Variants in ANPEP observed in about 807,000 individuals in gnomAD.
The protein encoded by ANPEP is aminopeptidase N.
In ANPEP, 70 loss-of-function variants were observed where a neutral mutation model predicts 114.6. The observed-to-expected ratio is 0.61, with a 90% CI of 0.50 to 0.75. The LOEUF (loss-of-function observed/expected upper bound fraction) is 0.75, where lower values mean the gene tolerates loss of function less well. ANPEP is among the 30% of genes least tolerant of loss of function. The probability of loss-of-function intolerance (pLI) is 0.00; values close to 1 mark genes in which losing one functional copy is unlikely to be tolerated. For missense variants in ANPEP, 1,184 were observed against 1,259.5 expected (o/e 0.94, Z 0.91); for synonymous variants, 548 against 522.3 (o/e 1.05, Z -0.67).
Position 89,805,065 on chromosome 15 carries a change from C to A in ANPEP, c.897+13G>T. The A allele has an allele frequency of 1.2e-6, 2 of 1,614,180 alleles. No individual in the cohort carries two copies. Among genetic ancestry groups the A allele is most frequent in the Non-Finnish European group, 1.7e-6 (2 of 1,180,004 alleles). On this transcript the variant is annotated intron_variant, in intron 4 of 20. Transcript: ENST00000300060. ...CCAGCCCACGTGAAGGAGAGATGGG[C>A]CCAGCCTCATACCAAGACACCATTG...
In ANPEP at chr15:89,801,236, C is replaced by G. The variant is rs112538519; in HGVS notation, c.1743-49G>C. ...GTGAGAGATGGCGGTGTGGTCACTG[C>G]CAGTGAGGAGCAGCTGCCCAGGCTC... On this transcript the variant is annotated intron_variant, in intron 11 of 20. Transcript: ENST00000300060. 5.5e-4 allele frequency: 873 copies of G among 1,598,366 alleles called. 6 individuals are homozygous for G. In the African/African-American group the frequency reaches 0.011, roughly 19 times the overall value.
chr15:89,811,299 A>C (rs1894811188), intron 1 of ANPEP, among the ~76,000 whole-genome samples: 1 of 152,198 alleles, frequency 6.6e-6, no homozygotes, highest in Non-Finnish European at 1.5e-5. Flanking sequence ...CTGAGCGATA[A>C]AATCATGGTT....
chr15:89,799,324 C>A lies in ANPEP; in HGVS notation c.1954-9G>T, dbSNP rs1477411536. On this transcript the variant is annotated splice_polypyrimidine_tract_variant and intron_variant, in intron 13 of 20. Coordinates refer to ENST00000300060, the MANE Select transcript of ANPEP (RefSeq NM_001150.3). The surrounding 1 kb of genome is among the most constrained non-coding windows in gnomAD (Gnocchi z 4.2). The stretch of plus-strand genomic sequence containing the variant: ...TTGATGACAGGGATGGCCTAGAATG[C>A]GAAGCACAGCATGTGACCATGGGTT... 1.9e-6 allele frequency: 3 copies of A among 1,614,020 alleles called. No individual in the cohort carries two copies. In the African/African-American group the frequency reaches 4.0e-5, roughly 22 times the overall value.
At chr15:89,789,566 A>G (rs1968574805) in intron 20 of ANPEP, among the ~76,000 whole-genome samples, 3 of 151,678 alleles carry the variant, frequency 2.0e-5, no homozygotes, top group Admixed American at 1.3e-4. Context: ...TGAGGTCAGG[A>G]GTTCGAGACC....
At chr15:89,801,351 A>C (rs899066755) in intron 11 of ANPEP, 84 bp downstream of exon 11, 2 of 1,568,304 alleles carry the variant, frequency 1.3e-6, no homozygotes, top group African/African-American at 1.3e-5. Flanking sequence ...CTGGGACCAC[A>C]GGAGGCCAGT....
At chr15:89,793,499 G>A (rs1414717308) in intron 15 of ANPEP, among the ~76,000 whole-genome samples, 1 of 151,966 alleles carries the variant, frequency 6.6e-6, no homozygotes, top group Non-Finnish European at 1.5e-5. Context: ...CCAGGAGTTC[G>A]AGATCAGCCT....
At chr15:89,795,600 A>C (rs749863751) in intron 15 of ANPEP, among the ~76,000 whole-genome samples, 33 of 152,228 alleles carry the variant, frequency 2.2e-4, no homozygotes, top group Non-Finnish European at 4.6e-4. Flanking sequence ...CATCAGCAAC[A>C]TGGCAAGCCT....
chr15:89,790,539 T>C lies in ANPEP; in HGVS notation c.2672A>G (p.Tyr891Cys), dbSNP rs746812140. ...QSNWKKLFND[Y>C]GGGSFSFSNL... ...GGAGAAGGAGAACGAGCCACCACCA[T>C]AACTGCAGGGAGGGAGAGAGGTGAA... Residue 891 changes from tyrosine to cysteine, a missense_variant and splice_region_variant, in exon 20 of 21, where the codon TAT becomes TGT. Transcript: ENST00000300060. The C allele has an allele frequency of 6.2e-6, 10 of 1,613,370 alleles. No individual in the cohort carries two copies. Among genetic ancestry groups the C allele is most frequent in the South Asian group, 2.2e-5 (2 of 91,048 alleles).
At position 89,803,198 on chromosome 15, in the gene ANPEP, AC is replaced by A. The variant is rs758827770; in HGVS notation, c.1569+40del. ...CCCCAGGTACCTTCAGCATCTCAAG[AC>A]CCCAACAGGATGGCTGTGGAGGGGC... On this transcript the variant is annotated intron_variant, in intron 10 of 20. Coordinates refer to ENST00000300060, the MANE Select transcript of ANPEP (RefSeq NM_001150.3). This position sits in a 1 kb window ranked among gnomAD's most constrained non-coding sequence, Gnocchi z 4.2. 1.4e-5 allele frequency: 23 copies of A among 1,597,626 alleles called. No homozygotes were observed. The highest frequency in any genetic ancestry group is 4.0e-5 in the African/African-American group (3 of 74,480).
Position 89,784,965 on chromosome 15 carries a change from T to A in ANPEP, c.*384A>T. ...ACAGATCTGCTGCCCTGTTGATTCC[T>A]CAGATTTAGGGTCTTTAGGGAAAGG... On this transcript the variant is annotated 3_prime_UTR_variant, in exon 21 of 21. Coordinates refer to ENST00000300060, the MANE Select transcript of ANPEP (RefSeq NM_001150.3). 5.5e-6 allele frequency: 1 copy of A among 181,140 alleles called. No homozygotes were observed. Among genetic ancestry groups the A allele is most frequent in the Non-Finnish European group, 1.2e-5 (1 of 85,522 alleles). 11.2% of individuals were successfully genotyped at this position (181,140 alleles called of 1,614,324 possible). A position where few individuals can be genotyped will look rare whatever the true frequency, so the allele number is the denominator to read the frequency against.
In ANPEP at chr15:89,803,579, C is replaced by T; in HGVS notation, c.1437+68G>A. The T allele has an allele frequency of 1.2e-6, 2 of 1,601,510 alleles. No individual in the cohort carries two copies. The highest frequency in any genetic ancestry group is 2.2e-5 in the South Asian group (2 of 90,804). On this transcript the variant is annotated intron_variant, in intron 8 of 20. Coordinates refer to ENST00000300060, the MANE Select transcript of ANPEP (RefSeq NM_001150.3). This position sits in a 1 kb window ranked among gnomAD's most constrained non-coding sequence, Gnocchi z 4.2. ...AGGACCCTGTGCCCCCAGACCCTGC[C>T]TTCAGTGAGGCCCCTCCAGGCCAAG...
intron 1 of ANPEP, among the ~76,000 whole-genome samples, chr15:89,814,018 A>C (rs1239059721): frequency 7.0e-6 from 1 of 142,692 alleles, no homozygotes; most frequent in Admixed American, 6.8e-5. Flanking sequence ...TTCTGGAGTC[A>C]TTTGGGGAAA....
intron 20 of ANPEP, 103 bp downstream of exon 20, chr15:89,790,357 G>A (rs1447307323): frequency 1.7e-5 from 17 of 1,016,156 alleles, no homozygotes; most frequent in African/African-American, 4.8e-5. Context: ...GCCTGGCGGC[G>A]TGGAGCCTGT....
In ANPEP at chr15:89,803,358, C is replaced by T. The variant is rs949530134; in HGVS notation, c.1504-54G>A. 24 of 1,613,586 alleles carry T rather than the reference C, an allele frequency of 1.5e-5. No homozygotes were observed. Among genetic ancestry groups the T allele is most frequent in the Non-Finnish European group, 1.9e-5 (23 of 1,179,626 alleles). On this transcript the variant is annotated intron_variant, in intron 9 of 20. Transcript: ENST00000300060. The surrounding 1 kb of genome is among the most constrained non-coding windows in gnomAD (Gnocchi z 4.2). ...ACAGCTGGAGCCCCCCAGGCTCCCC[C>T]TCTGTGGTGGGCAGAGGCCCGGGTC...
chr15:89,802,567 G>A (rs1451745706), intron 10 of ANPEP: 1 of 154,080 alleles, frequency 6.5e-6, no homozygotes, highest in Non-Finnish European at 1.4e-5. Context: ...TCTGTCCTCT[G>A]GCTTAAGACG....
At chr15:89,792,973 G>A in intron 16 of ANPEP, 62 bp downstream of exon 16, 1 of 1,375,058 alleles carries the variant, frequency 7.3e-7, no homozygotes, top group Non-Finnish European at 1.0e-6. Context: ...ACACTGCCAG[G>A]ATGTTGCTCT....
At chr15:89,807,620 G>C (rs570195358) in intron 1 of ANPEP, among the ~76,000 whole-genome samples, 3 of 152,268 alleles carry the variant, frequency 2.0e-5, no homozygotes, top group African/African-American at 7.2e-5. Flanking sequence ...AGAATTGCTT[G>C]AATCCGGGAG....
In ANPEP at chr15:89,799,505, T is replaced by A; in HGVS notation, c.1874A>T (p.Asn625Ile). 1 of 1,614,146 alleles carries A rather than the reference T, an allele frequency of 6.2e-7. No homozygotes were observed. Among genetic ancestry groups the A allele is most frequent in the Non-Finnish European group, 8.5e-7 (1 of 1,180,026 alleles). ...SGNEWVLLNL[N>I]VTGYYRVNYD... ...GTTCACCCGGTAATAGCCCGTCACA[T>A]TGAGGTTCAGCAGGACCCACTCATT... Residue 625 changes from asparagine (N) to isoleucine (I), a missense_variant, in exon 13 of 21, where the codon AAT becomes ATT. Physicochemically the swap from Asn to Ile is moderately radical, Grantham distance 149. Coordinates refer to ENST00000300060, the MANE Select transcript of ANPEP (RefSeq NM_001150.3). This position sits in a 1 kb window ranked among gnomAD's most constrained non-coding sequence, Gnocchi z 4.2.
At chr15:89,802,105 C>G (rs1042700825) in intron 10 of ANPEP, among the ~76,000 whole-genome samples, 5 of 152,126 alleles carry the variant, frequency 3.3e-5, no homozygotes, top group Non-Finnish European at 7.4e-5. Context: ...ACCTGCCTTG[C>G]CTTTGTCATC....
Sources: gnomAD v4.1 joint callset for allele counts (sites outside exome capture counted in the v4.1 genomes callset) on GRCh38, gnomAD v4.1.1 for gene constraint, Gnocchi (gnomAD v3.1) non-coding constraint, MANE v1.5 for transcripts, NCBI Gene and HGNC (gene_info 2026-07-23, HGNC 2026-07-21) for gene names.